Variants in PITPNC1 observed in about 807,000 individuals in gnomAD.
The protein encoded by PITPNC1 is phosphatidylinositol transfer protein cytoplasmic 1.
PITPNC1 carries 18 observed loss-of-function variants against 44.7 expected under a neutral mutation model. That is an observed-to-expected ratio of 0.40 (90% CI 0.28 to 0.60). The LOEUF is 0.60. Ranked by LOEUF, PITPNC1 falls within the 20% of genes least tolerant of loss-of-function variation. PITPNC1 has a pLI of 0.39. For synonymous variants in PITPNC1, 141 were observed against 149.6 expected (o/e 0.94, Z 0.42); for missense variants, 290 against 418.4 (o/e 0.69, Z 2.68).
Position 67,377,798 on chromosome 17 carries a change from C to A in PITPNC1, c.-357C>A. ...TGGAAATCTCTCTTTTTTCCTCCCT[C>A]GCTCGCTGCCGGGCATGTCCTGATC... On this transcript the variant is annotated 5_prime_UTR_variant, in exon 1 of 9. Coordinates refer to ENST00000581322, the MANE Select transcript of PITPNC1 (RefSeq NM_012417.4). 3.7e-6 allele frequency: 1 copy of A among 267,306 alleles called. No individual in the cohort carries two copies. Among genetic ancestry groups the A allele is most frequent in the Non-Finnish European group, 7.0e-6 (1 of 142,302 alleles). The allele number at this position is 267,306 out of a possible 1,614,324, so 16.6% of individuals were successfully genotyped here. A position where few individuals can be genotyped will look rare whatever the true frequency, so the allele number is the denominator to read the frequency against.
chr17:67,510,188 C>T (rs1292060870), intron 1 of PITPNC1, among the ~76,000 whole-genome samples: 2 of 152,198 alleles, frequency 1.3e-5, no homozygotes, highest in Non-Finnish European at 2.9e-5. Context: ...CCTTCCTCTG[C>T]CCCAGGTCCT....
intron 1 of PITPNC1, chr17:67,457,709 C>A (rs902008381): frequency 6.6e-6 from 1 of 152,168 alleles, no homozygotes; most frequent in African/African-American, 2.4e-5. Flanking sequence ...TTTAGGCTTC[C>A]TCTTTGTCTT....
At chr17:67,387,767 C>T (rs560281374) in intron 1 of PITPNC1, among the ~76,000 whole-genome samples, 3 of 152,302 alleles carry the variant, frequency 2.0e-5, no homozygotes, top group Admixed American at 6.5e-5. Context: ...GAGCATTTAT[C>T]GCAATTTGTA....
intron 4 of PITPNC1, among the ~76,000 whole-genome samples, chr17:67,575,878 C>CTTTTTTTTT (rs1568047935): frequency 4.6e-4 from 5 of 10,986 alleles, no homozygotes; most frequent in African/African-American, 1.7e-3. Context: ...TTCTTTCTTT[C>CTTTTTTTTT]CTTTTTTTTT....
At chr17:67,495,050 T>TTTTA (rs2039929587) in intron 1 of PITPNC1, among the ~76,000 whole-genome samples, 1 of 47,394 alleles carries the variant, frequency 2.1e-5, no homozygotes, top group African/African-American at 8.9e-5. Context: ...GTTTTTTTTT[T>TTTTA]TGTTTTTTTT....
chr17:67,529,927 G>A (rs1284623295), intron 1 of PITPNC1, among the ~76,000 whole-genome samples: 3 of 152,050 alleles, frequency 2.0e-5, no homozygotes, highest in Non-Finnish European at 2.9e-5. Flanking sequence ...CAGTCTGGGC[G>A]ACAGAATGAT....
At chr17:67,581,524 G>T in intron 5 of PITPNC1, among the ~76,000 whole-genome samples, 1 of 152,108 alleles carries the variant, frequency 6.6e-6, no homozygotes, top group Non-Finnish European at 1.5e-5. Flanking sequence ...CACTAAAGAG[G>T]CCCTAAATGT....
chr17:67,389,061 A>G (rs2143795684), intron 1 of PITPNC1, among the ~76,000 whole-genome samples: 1 of 152,366 alleles, frequency 6.6e-6, no homozygotes, highest in South Asian at 2.1e-4. Flanking sequence ...TCAAGGCGTC[A>G]GTCAGGCTGC....
chr17:67,505,827 T>C (rs140707005), intron 1 of PITPNC1, among the ~76,000 whole-genome samples: 30 of 152,314 alleles, frequency 2.0e-4, no homozygotes, highest in Admixed American at 9.2e-4. Context: ...TTTGCATGTG[T>C]TACGCTTGCA....
chr17:67,570,160 G>A (rs1417752326), intron 4 of PITPNC1, among the ~76,000 whole-genome samples: 6 of 152,200 alleles, frequency 3.9e-5, no homozygotes, highest in African/African-American at 1.2e-4. Flanking sequence ...GTGAACCAGC[G>A]GACGTGCACC....
At chr17:67,544,447 A>G (rs1348699086) in intron 2 of PITPNC1, among the ~76,000 whole-genome samples, 2 of 152,124 alleles carry the variant, frequency 1.3e-5, no homozygotes, top group African/African-American at 4.8e-5. Context: ...GATGGAGGCT[A>G]TTTTTAGGCT....
chr17:67,631,140 A>G (rs999698031), intron 5 of PITPNC1, among the ~76,000 whole-genome samples: 4 of 149,818 alleles, frequency 2.7e-5, no homozygotes, highest in African/African-American at 9.8e-5. Flanking sequence ...CCTAGAGCAG[A>G]TTGGCAGGAA....
intron 6 of PITPNC1, among the ~76,000 whole-genome samples, chr17:67,650,709 C>T (rs2042200752): frequency 1.3e-5 from 2 of 152,074 alleles, no homozygotes; most frequent in African/African-American, 4.8e-5. Flanking sequence ...CCTTGGCCTC[C>T]CAAAGTGTTG....
chr17:67,646,635 T>A (rs2144359175), intron 6 of PITPNC1, among the ~76,000 whole-genome samples: 1 of 152,268 alleles, frequency 6.6e-6, no homozygotes, highest in African/African-American at 2.4e-5. Flanking sequence ...GCGATCCTCC[T>A]ACCACAGCCT....
intron 1 of PITPNC1, among the ~76,000 whole-genome samples, chr17:67,431,171 G>A (rs2038851601): frequency 6.7e-6 from 1 of 148,766 alleles, no homozygotes; most frequent in Admixed American, 6.9e-5. Context: ...CGATTCTCAT[G>A]CTTCAGCCTC....
intron 1 of PITPNC1, among the ~76,000 whole-genome samples, chr17:67,425,616 G>A (rs1184570264): frequency 6.6e-6 from 1 of 151,268 alleles, no homozygotes; most frequent in Non-Finnish European, 1.5e-5. Flanking sequence ...TGCACTCCTG[G>A]GCTCAAGCGA....
intron 4 of PITPNC1, among the ~76,000 whole-genome samples, chr17:67,569,425 C>T (rs1304281351): frequency 3.3e-5 from 5 of 152,180 alleles, no homozygotes; most frequent in East Asian, 1.9e-4. Flanking sequence ...TCTTTCCTGG[C>T]GTTCTTCTTC....
At chr17:67,681,735 G>A (rs1455177829) in intron 8 of PITPNC1, among the ~76,000 whole-genome samples, 1 of 151,422 alleles carries the variant, frequency 6.6e-6, no homozygotes, top group Non-Finnish European at 1.5e-5. Flanking sequence ...GAACCGTAAT[G>A]AGAAAAACAA....
chr17:67,457,017 T>A (rs2039263204), intron 1 of PITPNC1: 1 of 151,930 alleles, frequency 6.6e-6, no homozygotes, highest in Non-Finnish European at 1.5e-5. Flanking sequence ...TTTTTCTTAT[T>A]TATTTGGAAA....
Sources: gnomAD v4.1 joint callset for allele counts (sites outside exome capture counted in the v4.1 genomes callset) on GRCh38, gnomAD v4.1.1 for gene constraint, MANE v1.5 for transcripts, NCBI Gene and HGNC (gene_info 2026-07-23, HGNC 2026-07-21) for gene names.